DNAJC15: variants seen among roughly 807,000 people sequenced by gnomAD.
The protein encoded by DNAJC15 is dnaJ homolog subfamily C member 15.
Under a neutral mutation model 22.4 loss-of-function variants are expected in DNAJC15, and 27 were observed. The observed-to-expected ratio is 1.20, with a 90% CI of 0.89 to 1.66. The LOEUF is 1.66. Among genes scored for constraint, DNAJC15 ranks in the 40% most tolerant of loss-of-function variants. DNAJC15 has a pLI of 0.00. For synonymous variants in DNAJC15, 79 were observed against 63.2 expected (o/e 1.25, Z -1.19); for missense variants, 208 against 187.1 (o/e 1.11, Z -0.65).
At chr13:43,081,621 G>A (rs1270117045) in intron 4 of DNAJC15, among the ~76,000 whole-genome samples, 1 of 151,862 alleles carries the variant, frequency 6.6e-6, no homozygotes, top group Non-Finnish European at 1.5e-5. Flanking sequence ...TGTATTTTTA[G>A]TAGAGACGGG....
chr13:43,107,564 AAAT>A lies in DNAJC15; in HGVS notation c.*318_*320del, dbSNP rs2040803983. ...ACACACACACACACACACGTGCAAAAAATATGATCAAGAATGCAATTGGGATTT... is the reference window on the plus strand; with the variant it reads ...ACACACACACACACACACGTGCAAAAATGATCAAGAATGCAATTGGGATTT... On this transcript the variant is annotated 3_prime_UTR_variant, in exon 6 of 6. Coordinates refer to ENST00000379221, the MANE Select transcript of DNAJC15 (RefSeq NM_013238.3). 6.3e-6 allele frequency: 1 copy of A among 157,502 alleles called. No individual in the cohort carries two copies. Among genetic ancestry groups the A allele is most frequent in the Non-Finnish European group, 1.4e-5 (1 of 73,576 alleles). 9.8% of individuals were successfully genotyped at this position (157,502 alleles called of 1,614,324 possible).
chr13:43,105,617 C>G (rs928772122), intron 5 of DNAJC15, among the ~76,000 whole-genome samples: 1 of 152,076 alleles, frequency 6.6e-6, no homozygotes, highest in Admixed American at 6.5e-5. Context: ...TCTCTATCAT[C>G]TGTGCCTTTG....
Position 43,078,609 on chromosome 13 carries a change from C to G in DNAJC15, c.235-3C>G. On this transcript the variant is annotated splice_region_variant and splice_polypyrimidine_tract_variant and intron_variant, in intron 3 of 5. Transcript: ENST00000379221. ...GATTTCTTGCTCTTTCTTTCCTATA[C>G]AGAGCTTTTCATCCTACTATAAAGG... The G allele has an allele frequency of 1.9e-6, 3 of 1,611,806 alleles. No homozygotes were observed. The East Asian group carries it at 6.7e-5, about 36-fold the overall frequency.
At position 43,107,290 on chromosome 13, in the gene DNAJC15, C is replaced by CG. The variant is rs1555278075; in HGVS notation, c.*43dup. 2 of 1,118,808 alleles carry CG rather than the reference C, an allele frequency of 1.8e-6. No homozygotes were observed. The highest frequency in any genetic ancestry group is 6.0e-5 in the East Asian group (2 of 33,402). 69.3% of individuals were successfully genotyped at this position (1,118,808 alleles called of 1,614,324 possible). ...TGAAGGAAAAAAAAAGAGGGGACTT[C>CG]GAAAAAAAAAAAAGCCCTGCAAAAT... On this transcript the variant is annotated 3_prime_UTR_variant, in exon 6 of 6. Transcript: ENST00000379221.
chr13:43,056,220 C>T (rs957509719), intron 1 of DNAJC15, among the ~76,000 whole-genome samples: 3 of 151,188 alleles, frequency 2.0e-5, no homozygotes, highest in Admixed American at 6.6e-5. Context: ...AGTGCAATCT[C>T]AGCTCACTGC....
intron 1 of DNAJC15, among the ~76,000 whole-genome samples, chr13:43,060,291 A>T (rs929282396): frequency 4.6e-5 from 7 of 152,072 alleles, no homozygotes; most frequent in African/African-American, 1.7e-4. Flanking sequence ...GTAAGGGGTA[A>T]TATTGTGGGG....
chr13:43,029,861 C>T (rs2040396833), intron 1 of DNAJC15, among the ~76,000 whole-genome samples: 1 of 152,020 alleles, frequency 6.6e-6, no homozygotes, highest in Non-Finnish European at 1.5e-5. Context: ...AACATAGTAC[C>T]AGGCACATGG....
rs533083082 is a variant in DNAJC15, at chr13:43,109,870, T to A, written c.*2622T>A. 6.6e-6 allele frequency: 1 copy of A among 152,188 alleles called. No homozygotes were observed. The highest frequency in any genetic ancestry group is 1.5e-5 in the Non-Finnish European group (1 of 67,998). The allele number at this position is 152,188 out of a possible 1,614,324, so 9.4% of individuals were successfully genotyped here. A position where few individuals can be genotyped will look rare whatever the true frequency, so the allele number is the denominator to read the frequency against. ...AACTTAAAGTATAATAAAAAGAAATTTTAAAAAATCCTGTCAAATAAGGTT... is the reference window on the plus strand; with the variant it reads ...AACTTAAAGTATAATAAAAAGAAATATTAAAAAATCCTGTCAAATAAGGTT... On this transcript the variant is annotated 3_prime_UTR_variant, in exon 6 of 6. Transcript: ENST00000379221.
intron 5 of DNAJC15, among the ~76,000 whole-genome samples, chr13:43,090,148 A>T (rs1472077155): frequency 6.6e-6 from 1 of 152,228 alleles, no homozygotes; most frequent in African/African-American, 2.4e-5. Flanking sequence ...GAAGAGGTTC[A>T]GAGGGCCCCC....
At chr13:43,051,634 G>GGTGTGTGTGTGTGTGTGTGTGT (rs57271276) in intron 1 of DNAJC15, among the ~76,000 whole-genome samples, 10 of 133,148 alleles carry the variant, frequency 7.5e-5, no homozygotes, top group South Asian at 3.2e-4. Flanking sequence ...AGTACTTCAT[G>GGTGTGTGTGTGTGTGTGTGTGT]GTGTGTGTGT....
At chr13:43,048,958 AT>A (rs940878701) in intron 1 of DNAJC15, among the ~76,000 whole-genome samples, 14 of 150,402 alleles carry the variant, frequency 9.3e-5, no homozygotes, top group East Asian at 1.9e-4. Context: ...AGCCTTGTGA[AT>A]TTTTTTTTAA....
chr13:43,040,727 C>A (rs2040449693), intron 1 of DNAJC15, among the ~76,000 whole-genome samples: 1 of 151,896 alleles, frequency 6.6e-6, no homozygotes, highest in African/African-American at 2.4e-5. Flanking sequence ...ATTGGTCATT[C>A]TTGGGTGTTT....
At chr13:43,040,738 C>CTTGGG (rs1555274177) in intron 1 of DNAJC15, among the ~76,000 whole-genome samples, 1 of 151,956 alleles carries the variant, frequency 6.6e-6, no homozygotes, top group African/African-American at 2.4e-5. Context: ...TTGGGTGTTT[C>CTTGGG]TCGGAGAGGG....
intron 1 of DNAJC15, among the ~76,000 whole-genome samples, chr13:43,052,655 G>T (rs149914668): frequency 6.6e-6 from 1 of 152,168 alleles, no homozygotes. Context: ...GACCTCAGGT[G>T]ATCCACCTGC....
intron 1 of DNAJC15, among the ~76,000 whole-genome samples, chr13:43,048,687 A>G (rs1182651306): frequency 1.3e-5 from 2 of 152,220 alleles, no homozygotes; most frequent in East Asian, 1.9e-4. Flanking sequence ...CCCAAACATT[A>G]TGCTGGACCA....
intron 3 of DNAJC15, among the ~76,000 whole-genome samples, chr13:43,070,143 GCTTGTGAGGCTTAGT>G (rs1408773052): frequency 1.3e-5 from 2 of 152,052 alleles, no homozygotes; most frequent in Admixed American, 6.6e-5. Context: ...GACATTACAG[GCTTGTGAGGCTTAGT>G]TAGCCATGAA....
chr13:43,051,162 G>A (rs1278148041), intron 1 of DNAJC15, among the ~76,000 whole-genome samples: 2 of 152,046 alleles, frequency 1.3e-5, no homozygotes, highest in Non-Finnish European at 2.9e-5. Flanking sequence ...TTTAGTATAA[G>A]CGATGGGGTT....
intron 1 of DNAJC15, among the ~76,000 whole-genome samples, chr13:43,054,068 A>AG (rs2040518272): frequency 6.6e-6 from 1 of 152,126 alleles, no homozygotes; most frequent in Admixed American, 6.6e-5. Flanking sequence ...TATTACCCTA[A>AG]GGTATGTTCC....
intron 4 of DNAJC15, 144 bp downstream of exon 4, chr13:43,078,832 C>A: frequency 1.6e-6 from 1 of 607,458 alleles, no homozygotes; most frequent in Non-Finnish European, 2.6e-6. Flanking sequence ...TATTTTAAAG[C>A]CTCAAATCTA....
Sources: allele counts gnomAD v4.1 joint callset (sites outside exome capture counted in the v4.1 genomes callset), GRCh38; gene constraint gnomAD v4.1.1; transcripts MANE v1.5; gene names NCBI Gene and HGNC (gene_info 2026-07-23, HGNC 2026-07-21).